The following MFSD8 variants were observed in gnomAD, a reference collection of about 807,000 sequenced individuals.
MFSD8 encodes the protein major facilitator superfamily domain-containing protein 8.
A neutral mutation model predicts 66.4 loss-of-function variants in MFSD8; 55 were observed. That is an observed-to-expected ratio of 0.83 (90% CI 0.67 to 1.04). MFSD8 has a LOEUF of 1.04. Ranked by LOEUF, MFSD8 falls within the 50% of genes least tolerant of loss-of-function variation. The pLI, the probability that MFSD8 is intolerant of heterozygous loss-of-function variation, is 0.00. For synonymous variants in MFSD8, 202 were observed against 212.8 expected (o/e 0.95, Z 0.44); for missense variants, 550 against 627.6 (o/e 0.88, Z 1.32).
chr4:127,953,543 GTTTTTTTTTT>G (rs952826538), intron 2 of MFSD8, among the ~76,000 whole-genome samples: 9 of 67,032 alleles, frequency 1.3e-4, no homozygotes, highest in African/African-American at 4.4e-4. Context: ...AAGGCATTCT[GTTTTTTTTTT>G]TTTTTTTTTT....
chr4:127,953,938 AGAAAATATATG>A (rs1742457429), intron 2 of MFSD8, among the ~76,000 whole-genome samples: 1 of 152,238 alleles, frequency 6.6e-6, no homozygotes, highest in African/African-American at 2.4e-5. Flanking sequence ...TGGGGTAAAT[AGAAAATATATG>A]GAAAATATAT....
chr4:127,939,705 C>T, intron 6 of MFSD8, 148 bp downstream of exon 6: 1 of 658,824 alleles, frequency 1.5e-6, no homozygotes, highest in South Asian at 2.1e-5. Flanking sequence ...GTATTACATG[C>T]TTTAGTACTA....
At position 127,949,805 on chromosome 4, in the gene MFSD8, T is replaced by C. The variant is rs1376379621; in HGVS notation, c.197A>G (p.Lys66Arg). The C allele has an allele frequency of 6.2e-7, 1 of 1,611,846 alleles. No individual in the cohort carries two copies. The highest frequency in any genetic ancestry group is 8.5e-7 in the Non-Finnish European group (1 of 1,178,780). ...VMMSIWPYLQ[K>R]IDPTADTSFL... ...AAAAATAGATTGAAATGTACAAACC[T>C]TTTGGAGATATGGCCATATGGACAT... The change falls in exon 3 of 12, where the codon AAG becomes AGG. Residue 66 changes from lysine (K) to arginine (R), a missense_variant and splice_region_variant. Lys to Arg is a conservative substitution (Grantham distance 26). Transcript: ENST00000641686.
chr4:127,929,324 A>T (rs1408409862), intron 9 of MFSD8, among the ~76,000 whole-genome samples: 1 of 129,218 alleles, frequency 7.7e-6, no homozygotes, highest in Non-Finnish European at 1.6e-5. Flanking sequence ...CTCCGTCACA[A>T]AAAAAAAAAA....
rs79331195 is a variant in MFSD8 at position 127,953,171 on chromosome 4, C to A, written c.155-3324G>T. On this transcript the variant is annotated intron_variant, in intron 2 of 11. Coordinates refer to ENST00000641686, the MANE Select transcript of MFSD8 (RefSeq NM_001371596.2). The stretch of plus-strand genomic sequence containing the variant: ...TACATTCTGATTAGTCTAAAAAATT[C>A]AACTGGAGTAATCCCATCATCTTAG... 8.1e-3 allele frequency among the ~76,000 whole-genome samples: 1,236 copies of A among 152,112 alleles called. 87 individuals are homozygous for A. The East Asian group carries it at 0.17, about 21-fold the overall frequency.
chr4:127,960,177 A>G (rs1030278284), intron 1 of MFSD8, among the ~76,000 whole-genome samples: 6 of 152,224 alleles, frequency 3.9e-5, no homozygotes, highest in African/African-American at 1.4e-4. Flanking sequence ...TGTGACTTAA[A>G]AACTAAAAGG....
At chr4:127,947,434 C>T (rs1264391812) in intron 3 of MFSD8, among the ~76,000 whole-genome samples, 2 of 151,748 alleles carry the variant, frequency 1.3e-5, no homozygotes, top group South Asian at 2.1e-4. Context: ...AAAAATTAGC[C>T]GGGTGTGGTA....
In MFSD8 at chr4:127,952,133, C is replaced by T. The variant is rs144765498; in HGVS notation, c.155-2286G>A. Among the ~76,000 whole-genome samples the T allele has an allele frequency of 4.4e-3, 669 of 151,798 alleles. 9 individuals carry two copies. The highest frequency in any genetic ancestry group is 0.015 in the African/African-American group (639 of 41,456). Reference sequence around the variant, plus strand: ...TATTAGCTTCATTTCAGGCCAGGCACGGTGGCTCATGCCTGTAATCCCAGC... The same window carrying T: ...TATTAGCTTCATTTCAGGCCAGGCATGGTGGCTCATGCCTGTAATCCCAGC... On this transcript the variant is annotated intron_variant, in intron 2 of 11. Transcript: ENST00000641686.
At position 127,933,060 on chromosome 4, in the gene MFSD8, T is replaced by C; in HGVS notation, c.788A>G (p.Asn263Ser). 3 of 1,613,826 alleles carry C rather than the reference T, an allele frequency of 1.9e-6. No homozygotes were observed. Among genetic ancestry groups the C allele is most frequent in the Non-Finnish European group, 2.5e-6 (3 of 1,179,868 alleles). ...STDEAQVPQG[N>S]IDQVAVVAIN... ...GGCCACAACAGCAACCTGGTCAATA[T>C]TTCCTTGGGGAACCTGAGCTTCATC... Residue 263 changes from asparagine to serine, a missense_variant, in exon 8 of 12, where the codon AAT (asparagine) becomes AGT (serine). Transcript: ENST00000641686.
At chr4:127,926,799 T>C (rs973429812) in intron 9 of MFSD8, among the ~76,000 whole-genome samples, 10 of 152,230 alleles carry the variant, frequency 6.6e-5, no homozygotes, top group Non-Finnish European at 1.2e-4. Flanking sequence ...CTCTGACTTA[T>C]GAGTGTCCAA....
intron 1 of MFSD8, among the ~76,000 whole-genome samples, chr4:127,962,211 C>T (rs945166483): frequency 7.2e-5 from 11 of 152,018 alleles, no homozygotes; most frequent in African/African-American, 2.4e-4. Flanking sequence ...CTGTTTGCTT[C>T]TACACCAGCA....
intron 1 of MFSD8, among the ~76,000 whole-genome samples, chr4:127,961,561 T>A (rs1247245589): frequency 6.6e-6 from 1 of 152,078 alleles, no homozygotes; most frequent in East Asian, 1.9e-4. Context: ...ACACCTGTAA[T>A]CCCAGCACTT....
rs75039907 is a variant in MFSD8 at position 127,920,845 on chromosome 4, G to T, written c.1351-9C>A. ...CAGCCCATGTATACACCCTGTTGGGGGTGAAATGGAGGACAAGCAGATTGA... is the reference window on the plus strand; with the variant it reads ...CAGCCCATGTATACACCCTGTTGGGTGTGAAATGGAGGACAAGCAGATTGA... On this transcript the variant is annotated splice_polypyrimidine_tract_variant and intron_variant, in intron 11 of 11. Coordinates refer to ENST00000641686, the MANE Select transcript of MFSD8 (RefSeq NM_001371596.2). 2.2e-4 allele frequency: 362 copies of T among 1,612,398 alleles called. No individual in the cohort carries two copies. The African/African-American group carries it at 4.4e-3, about 19-fold the overall frequency.
chr4:127,945,341 G>A (rs1740862744), intron 3 of MFSD8: 1 of 151,784 alleles, frequency 6.6e-6, no homozygotes, highest in South Asian at 2.1e-4. Flanking sequence ...TTTTGAGACG[G>A]AGTTTTGATC....
At chr4:127,924,176 T>A (rs1404828688) in intron 9 of MFSD8, among the ~76,000 whole-genome samples, 1 of 152,172 alleles carries the variant, frequency 6.6e-6, no homozygotes, top group Non-Finnish European at 1.5e-5. Flanking sequence ...CAGAACTTAT[T>A]ATTGGTCAAT....
chr4:127,930,415 C>A (rs1452727111), intron 9 of MFSD8, among the ~76,000 whole-genome samples: 1 of 151,944 alleles, frequency 6.6e-6, no homozygotes, highest in Admixed American at 6.6e-5. Context: ...TATTACAATA[C>A]AGTAGAACAA....
At position 127,919,922 on chromosome 4, in the gene MFSD8, G is replaced by A. The variant is rs1736144223; in HGVS notation, c.*708C>T. 6.6e-6 allele frequency: 1 copy of A among 152,110 alleles called. No homozygotes were observed. The highest frequency in any genetic ancestry group is 2.1e-4 in the South Asian group (1 of 4,834). 9.4% of individuals were successfully genotyped at this position (152,110 alleles called of 1,614,324 possible). ...TGAAAGAAAGTAGGTATCCCTATTA[G>A]GCTAATAGGCAGTGAAGTATCTTGA... On this transcript the variant is annotated 3_prime_UTR_variant, in exon 12 of 12. Coordinates refer to ENST00000641686, the MANE Select transcript of MFSD8 (RefSeq NM_001371596.2).
Position 127,932,984 on chromosome 4 carries a change from C to G in MFSD8, c.863+1G>C, listed in dbSNP as rs200319160. The G allele has an allele frequency of 1.9e-6, 3 of 1,606,196 alleles. No homozygotes were observed. The highest frequency in any genetic ancestry group is 3.3e-5 in the Admixed American group (2 of 59,944). ...TCAGATGAAGATGGAATAAAACTTACGTTTCAAAAAGGGCAAAGATAAATA... is the reference window on the plus strand; with the variant it reads ...TCAGATGAAGATGGAATAAAACTTAGGTTTCAAAAAGGGCAAAGATAAATA... On this transcript the variant is annotated splice_donor_variant, in intron 8 of 11. Coordinates refer to ENST00000641686, the MANE Select transcript of MFSD8 (RefSeq NM_001371596.2). LOFTEE classifies it high-confidence loss of function.
intron 8 of MFSD8, 121 bp downstream of exon 8, chr4:127,932,864 T>G: frequency 1.3e-6 from 1 of 756,630 alleles, no homozygotes; most frequent in Non-Finnish European, 2.2e-6. Flanking sequence ...TTTTACATCA[T>G]GGTAAGAAAA....
Sources: allele counts gnomAD v4.1 joint callset (sites outside exome capture counted in the v4.1 genomes callset), GRCh38; gene constraint gnomAD v4.1.1; transcripts MANE v1.5; gene names NCBI Gene and HGNC (gene_info 2026-07-23, HGNC 2026-07-21).